Variants in CD2AP observed in about 807,000 individuals in gnomAD.
CD2AP encodes CD2-associated protein.
A neutral mutation model predicts 85.1 loss-of-function variants in CD2AP; 46 were observed. The observed-to-expected ratio is 0.54, with a 90% CI of 0.43 to 0.69. The LOEUF (loss-of-function observed/expected upper bound fraction) is 0.69, where lower values mean the gene tolerates loss of function less well. Among genes scored for constraint, CD2AP ranks in the 30% least tolerant of loss-of-function variants. CD2AP has a pLI of 0.00. For missense variants in CD2AP, 769 were observed against 729.5 expected (o/e 1.05, Z -0.62); for synonymous variants, 255 against 252.9 (o/e 1.01, Z -0.08).
At chr6:47,498,452 C>T (rs1264454884) in intron 1 of CD2AP, among the ~76,000 whole-genome samples, 1 of 152,100 alleles carries the variant, frequency 6.6e-6, no homozygotes, top group Admixed American at 6.6e-5. Context: ...TCTCACAGAC[C>T]TGTTTCCATT....
At chr6:47,584,140 G>A (rs1768556880) in intron 11 of CD2AP, among the ~76,000 whole-genome samples, 1 of 151,880 alleles carries the variant, frequency 6.6e-6, no homozygotes, top group African/African-American at 2.4e-5. Context: ...ATTTTGTATA[G>A]CAATCCTTTA....
chr6:47,598,479 T>C (rs1231225313), intron 12 of CD2AP, among the ~76,000 whole-genome samples: 1 of 150,902 alleles, frequency 6.6e-6, no homozygotes, highest in Non-Finnish European at 1.5e-5. Flanking sequence ...CAATTCGCAA[T>C]TGCAAAGTAT....
intron 5 of CD2AP, among the ~76,000 whole-genome samples, chr6:47,568,148 G>A (rs777174289): frequency 6.6e-6 from 1 of 152,190 alleles, no homozygotes; most frequent in Non-Finnish European, 1.5e-5. Context: ...GTAAGATGGA[G>A]ATGTCATTTG....
intron 8 of CD2AP, among the ~76,000 whole-genome samples, chr6:47,577,495 A>G (rs1285787302): frequency 6.6e-6 from 1 of 152,110 alleles, no homozygotes; most frequent in African/African-American, 2.4e-5. Flanking sequence ...AAAAATAGGG[A>G]AACAAGCTAA....
At chr6:47,487,597 G>A (rs942344138) in intron 1 of CD2AP, among the ~76,000 whole-genome samples, 9 of 152,164 alleles carry the variant, frequency 5.9e-5, no homozygotes, top group Non-Finnish European at 1.2e-4. Context: ...GGCTGAGGCA[G>A]GAGAATGGCA....
chr6:47,482,031 G>C (rs1228576781), intron 1 of CD2AP, among the ~76,000 whole-genome samples: 1 of 152,184 alleles, frequency 6.6e-6, no homozygotes, highest in African/African-American at 2.4e-5. Context: ...AAAGTGCTGG[G>C]ATTACAGCTG....
rs1030138266 is a variant in CD2AP at position 47,533,501 on chromosome 6, A to G, written c.166-101A>G. The G allele has an allele frequency of 1.0e-5, 11 of 1,081,030 alleles. No homozygotes were observed. The Admixed American group carries it at 1.4e-4, about 14-fold the overall frequency. 67.0% of individuals were successfully genotyped at this position (1,081,030 alleles called of 1,614,324 possible). On this transcript the variant is annotated intron_variant, in intron 2 of 17. Coordinates refer to ENST00000359314, the MANE Select transcript of CD2AP (RefSeq NM_012120.3). ...TTGGAAACTATTGATATTATGATTT[A>G]TATAGTAATTACTGTAGCTATTTTT... is the stretch of plus-strand genomic sequence containing the variant.
chr6:47,512,343 A>C (rs1454374245), intron 2 of CD2AP, among the ~76,000 whole-genome samples: 1 of 152,144 alleles, frequency 6.6e-6, no homozygotes, highest in African/African-American at 2.4e-5. Flanking sequence ...CTCTGTCTCA[A>C]AAAAAACAAA....
At chr6:47,507,090 G>A (rs1215106085) in intron 2 of CD2AP, among the ~76,000 whole-genome samples, 2 of 152,202 alleles carry the variant, frequency 1.3e-5, no homozygotes, top group Admixed American at 1.3e-4. Context: ...TTCACCAGGA[G>A]TAGATTCCAG....
intron 13 of CD2AP, among the ~76,000 whole-genome samples, chr6:47,602,318 A>G (rs1769162945): frequency 6.6e-6 from 1 of 152,032 alleles, no homozygotes; most frequent in African/African-American, 2.4e-5. Context: ...GTTAAGAACC[A>G]TGCTTACAAT....
At chr6:47,539,053 CAATT>C (rs1323060745) in intron 3 of CD2AP, among the ~76,000 whole-genome samples, 1 of 152,026 alleles carries the variant, frequency 6.6e-6, no homozygotes, top group African/African-American at 2.4e-5. Flanking sequence ...TTGGTCTAGG[CAATT>C]AATTAAATCT....
At chr6:47,536,898 C>T (rs1048216180) in intron 3 of CD2AP, among the ~76,000 whole-genome samples, 14 of 152,018 alleles carry the variant, frequency 9.2e-5, no homozygotes, top group Middle Eastern at 3.2e-3. Flanking sequence ...TAGCAGTCAG[C>T]GTGGAATATT....
At chr6:47,570,277 T>C (rs1163287455) in intron 5 of CD2AP, among the ~76,000 whole-genome samples, 2 of 152,160 alleles carry the variant, frequency 1.3e-5, no homozygotes, top group African/African-American at 4.8e-5. Context: ...GCTTTTGCTA[T>C]AGAGATTTAA....
chr6:47,610,971 A>ATATATATATATATATATTTTTTTTTTTTT, intron 16 of CD2AP, among the ~76,000 whole-genome samples: 1 of 112,908 alleles, frequency 8.9e-6, no homozygotes, highest in African/African-American at 3.6e-5. Context: ...ATATATATGT[A>ATATATATATATATATATTTTTTTTTTTTT]TTTTTTTTTT....
chr6:47,537,975 T>G (rs1336578586), intron 3 of CD2AP, among the ~76,000 whole-genome samples: 1 of 152,024 alleles, frequency 6.6e-6, no homozygotes, highest in Non-Finnish European at 1.5e-5. Context: ...GGTCTCAAAC[T>G]CCTGGCCTCA....
chr6:47,618,176 T>C (rs1948047), intron 17 of CD2AP, among the ~76,000 whole-genome samples: 40,881 of 151,964 alleles, frequency 0.27, 5,683 homozygotes, highest in African/African-American at 0.33. Flanking sequence ...AAAAATTAGC[T>C]GGGCATGGTG....
intron 5 of CD2AP, among the ~76,000 whole-genome samples, chr6:47,569,588 T>A (rs961892560): frequency 3.0e-4 from 46 of 151,644 alleles, no homozygotes; most frequent in African/African-American, 9.9e-4. Flanking sequence ...CCTGATGGAT[T>A]GTTCTTCAAG....
At chr6:47,610,971 A>ATATATATATATATATATATATTTTT in intron 16 of CD2AP, among the ~76,000 whole-genome samples, 32 of 112,852 alleles carry the variant, frequency 2.8e-4, no homozygotes, top group African/African-American at 1.1e-3. Context: ...ATATATATGT[A>ATATATATATATATATATATATTTTT]TTTTTTTTTT....
chr6:47,500,075 T>C (rs1765961374), intron 1 of CD2AP, among the ~76,000 whole-genome samples: 1 of 152,230 alleles, frequency 6.6e-6, no homozygotes, highest in African/African-American at 2.4e-5. Flanking sequence ...AACTGCCCAT[T>C]GCTTTGGGGA....
Sources: allele counts gnomAD v4.1 joint callset (sites outside exome capture counted in the v4.1 genomes callset), GRCh38; gene constraint gnomAD v4.1.1; transcripts MANE v1.5; gene names NCBI Gene and HGNC (gene_info 2026-07-23, HGNC 2026-07-21).